Variants in PDZD2 observed in about 807,000 individuals in gnomAD.
The protein encoded by PDZD2 is PDZ domain-containing protein 2.
Under a neutral mutation model 220.7 loss-of-function variants are expected in PDZD2, and 90 were observed. That is an observed-to-expected ratio of 0.41 (90% confidence interval 0.34 to 0.49). The LOEUF (loss-of-function observed/expected upper bound fraction) is 0.49, where lower values mean the gene tolerates loss of function less well. Among genes scored for constraint, PDZD2 ranks in the 20% least tolerant of loss-of-function variants. The pLI, the probability that PDZD2 is intolerant of heterozygous loss-of-function variation, is 0.28. For missense variants in PDZD2, 3,174 were observed against 3,608.5 expected (o/e 0.88, Z 3.08); for synonymous variants, 1,375 against 1,450.5 (o/e 0.95, Z 1.18).
chr5:31,862,101 G>GTTTTT (rs11417935), intron 2 of PDZD2, among the ~76,000 whole-genome samples: 31 of 78,490 alleles, frequency 3.9e-4, no homozygotes, highest in African/African-American at 1.1e-3. Flanking sequence ...TTTTTTTTGG[G>GTTTTT]TTTTTTTTTT....
At chr5:32,080,603 A>G (rs762196855) in intron 19 of PDZD2, among the ~76,000 whole-genome samples, 4 of 152,162 alleles carry the variant, frequency 2.6e-5, no homozygotes, top group Non-Finnish European at 2.9e-5. Flanking sequence ...CCTATTTGCA[A>G]CCTCATGCAG....
At chr5:31,954,790 GCCGGGCGTGGTGGTGCATGCCTGTAAT>G (rs1343581973) in intron 2 of PDZD2, among the ~76,000 whole-genome samples, 19 of 152,208 alleles carry the variant, frequency 1.2e-4, no homozygotes, top group African/African-American at 4.3e-4. Context: ...AACAAAATTA[GCCGGGCGTGGTGGTGCATGCCTGTAAT>G]CCTAGCTGCT....
chr5:32,000,295 A>T lies in PDZD2; in HGVS notation c.1254+24A>T. ...AGGTAGGTCGTGTTTGTTTTTTGGT[A>T]CTCGTAATGGTGGCAGTGGTGAGTT... On this transcript the variant is annotated intron_variant, in intron 5 of 24. Transcript: ENST00000438447. This position sits in a 1 kb window ranked among gnomAD's most constrained non-coding sequence, Gnocchi z 4.5. 2 of 1,613,310 alleles carry T rather than the reference A, an allele frequency of 1.2e-6. No individual in the cohort carries two copies. The highest frequency in any genetic ancestry group is 1.7e-6 in the Non-Finnish European group (2 of 1,179,486).
chr5:31,908,640 G>GGT, intron 2 of PDZD2: 1 of 512,452 alleles, frequency 2.0e-6, no homozygotes. Flanking sequence ...AAGGTTACGT[G>GGT]ATATCAAAGA....
At chr5:31,808,850 C>T (rs1234055167) in intron 2 of PDZD2, among the ~76,000 whole-genome samples, 3 of 151,966 alleles carry the variant, frequency 2.0e-5, no homozygotes, top group Non-Finnish European at 4.4e-5. Context: ...TGGTGGCACA[C>T]ACACCTGTAG....
chr5:31,752,098 A>T, intron 1 of PDZD2, among the ~76,000 whole-genome samples: 2 of 23,792 alleles, frequency 8.4e-5, no homozygotes, highest in Non-Finnish European at 1.1e-4. Flanking sequence ...TTTCTGAGAC[A>T]AGGTCTTGCT....
intron 5 of PDZD2, among the ~76,000 whole-genome samples, chr5:32,007,014 T>C (rs13359415): frequency 0.18 from 26,370 of 148,864 alleles, 7,082 homozygotes; most frequent in African/African-American, 0.58. Flanking sequence ...CTCCCAGGCT[T>C]ACGCCATTCT....
intron 1 of PDZD2, among the ~76,000 whole-genome samples, chr5:31,758,405 A>G (rs926299494): frequency 1.3e-5 from 2 of 152,216 alleles, no homozygotes; most frequent in Non-Finnish European, 2.9e-5. Flanking sequence ...CCCAGAGCTC[A>G]GCAGATGCAT....
intron 2 of PDZD2, among the ~76,000 whole-genome samples, chr5:31,811,449 T>C (rs28740838): frequency 0.054 from 8,210 of 152,272 alleles, 281 homozygotes; most frequent in African/African-American, 0.098. Flanking sequence ...GAAAGATGAT[T>C]CTATCATTTG....
At chr5:31,771,431 C>T (rs943425722) in intron 1 of PDZD2, among the ~76,000 whole-genome samples, 2 of 152,026 alleles carry the variant, frequency 1.3e-5, no homozygotes, top group African/African-American at 4.8e-5. Flanking sequence ...GGAGTGTTTT[C>T]GAAGTTTTCA....
intron 2 of PDZD2, chr5:31,848,021 G>A: frequency 1.8e-5 from 7 of 381,248 alleles, no homozygotes; most frequent in South Asian, 1.5e-4. Flanking sequence ...TCCAATCTAT[G>A]AGAAGAAGCC....
At chr5:31,898,891 G>A (rs949480662) in intron 2 of PDZD2, among the ~76,000 whole-genome samples, 28 of 147,022 alleles carry the variant, frequency 1.9e-4, no homozygotes, top group African/African-American at 5.3e-4. Context: ...GTGCAGTGGC[G>A]ATCTCGGCTC....
At chr5:31,841,226 C>T (rs1206054244) in intron 2 of PDZD2, among the ~76,000 whole-genome samples, 4 of 150,630 alleles carry the variant, frequency 2.7e-5, no homozygotes, top group African/African-American at 1.0e-4. Flanking sequence ...CACACACACA[C>T]ACATAAACAC....
At chr5:31,670,239 C>CT (rs1746163220) in intron 1 of PDZD2, among the ~76,000 whole-genome samples, 1 of 152,090 alleles carries the variant, frequency 6.6e-6, no homozygotes, top group Non-Finnish European at 1.5e-5. Flanking sequence ...CTGCTCAGGC[C>CT]ATCAGTGGGG....
At chr5:31,949,097 C>CAA (rs34780210) in intron 2 of PDZD2, among the ~76,000 whole-genome samples, 4,254 of 54,950 alleles carry the variant, frequency 0.077, 430 homozygotes, top group East Asian at 0.15. Flanking sequence ...GACTCTGTCT[C>CAA]AAAAAAAAAA....
intron 2 of PDZD2, chr5:31,923,322 G>C (rs1047685745): frequency 1.4e-6 from 1 of 738,618 alleles, no homozygotes; most frequent in Non-Finnish European, 2.4e-6. Context: ...TTCCCGATGC[G>C]GTGGTTGCTG....
intron 2 of PDZD2, among the ~76,000 whole-genome samples, chr5:31,970,815 T>C (rs1327929425): frequency 6.6e-6 from 1 of 152,172 alleles, no homozygotes; most frequent in African/African-American, 2.4e-5. Context: ...AGTAAGACCT[T>C]TGACCTAGGA....
chr5:31,840,758 A>G (rs866480890), intron 2 of PDZD2: 16 of 810,472 alleles, frequency 2.0e-5, no homozygotes, highest in Middle Eastern at 4.8e-4. Context: ...CAACAATGCC[A>G]ACAGCATGCT....
intron 2 of PDZD2, among the ~76,000 whole-genome samples, chr5:31,889,951 G>T (rs1740860575): frequency 6.6e-6 from 1 of 151,836 alleles, no homozygotes; most frequent in Non-Finnish European, 1.5e-5. Flanking sequence ...GAACCCGGGG[G>T]GGCAGAGGTT....
Sources: allele counts gnomAD v4.1 joint callset (sites outside exome capture counted in the v4.1 genomes callset), GRCh38; gene constraint gnomAD v4.1.1; non-coding constraint Gnocchi (gnomAD v3.1); transcripts MANE v1.5; gene names NCBI Gene and HGNC (gene_info 2026-07-23, HGNC 2026-07-21).